The following CPNE4 variants were observed in gnomAD, a reference collection of about 807,000 sequenced individuals.
CPNE4 encodes the protein copine 4.
CPNE4 carries 25 observed loss-of-function variants against 67.9 expected under a neutral mutation model. The observed-to-expected ratio is 0.37, with a 90% CI of 0.27 to 0.51. The LOEUF is 0.51. Among genes scored for constraint, CPNE4 ranks in the 20% least tolerant of loss-of-function variants. The pLI is 0.93. For synonymous variants in CPNE4, 242 were observed against 244.9 expected, an observed-to-expected ratio of 0.99 and a Z score of 0.11; for missense variants, 464 against 690.8, an observed-to-expected ratio of 0.67 and a Z score of 3.68.
chr3:131,535,857 C>T (rs148488128), intron 15 of CPNE4, among the ~76,000 whole-genome samples: 1,858 of 152,292 alleles, frequency 0.012, 27 homozygotes, highest in Non-Finnish European at 0.014. Context: ...TTTAACTTGA[C>T]GCTCTAGTGA....
At chr3:131,552,876 C>A (rs1253024524) in intron 12 of CPNE4, among the ~76,000 whole-genome samples, 1 of 151,894 alleles carries the variant, frequency 6.6e-6, no homozygotes, top group East Asian at 1.9e-4. Context: ...AAAATAAAAA[C>A]AAAAAAACTC....
At chr3:131,550,118 C>T in intron 13 of CPNE4, 38 bp from the exon 14 acceptor site, 1 of 1,608,350 alleles carries the variant, frequency 6.2e-7, no homozygotes, top group Non-Finnish European at 8.5e-7. Context: ...GCTCCAGAGT[C>T]ACTCCAAATA....
At chr3:132,010,917 G>A (rs2073744987) in intron 1 of CPNE4, among the ~76,000 whole-genome samples, 2 of 152,086 alleles carry the variant, frequency 1.3e-5, no homozygotes, top group African/African-American at 4.8e-5. Context: ...TAGCTTCAAA[G>A]GCACCCCAGT....
At chr3:132,033,146 GGC>G (rs2074272262) in intron 1 of CPNE4, among the ~76,000 whole-genome samples, 1 of 152,234 alleles carries the variant, frequency 6.6e-6, no homozygotes, top group African/African-American at 2.4e-5. Context: ...TGCGCGCGGG[GGC>G]GCGCGAATGA....
At chr3:131,778,913 T>C (rs1177019250) in intron 2 of CPNE4, among the ~76,000 whole-genome samples, 1 of 152,056 alleles carries the variant, frequency 6.6e-6, no homozygotes, top group Non-Finnish European at 1.5e-5. Flanking sequence ...TCCCATACTA[T>C]ATGATACTAT....
intron 2 of CPNE4, among the ~76,000 whole-genome samples, chr3:131,787,280 G>A (rs1435122790): frequency 6.6e-6 from 1 of 152,138 alleles, no homozygotes; most frequent in East Asian, 1.9e-4. Context: ...AGATTTAGGG[G>A]GTTAGATATT....
intron 1 of CPNE4, among the ~76,000 whole-genome samples, chr3:132,012,173 G>A (rs200715217): frequency 7.3e-6 from 1 of 136,158 alleles, no homozygotes; most frequent in African/African-American, 2.8e-5. Context: ...TTGCTTTTTC[G>A]TTTTTTTTTT....
chr3:131,580,388 CTATACATATACA>C (rs56222832), intron 9 of CPNE4, among the ~76,000 whole-genome samples: 24,408 of 131,916 alleles, frequency 0.19, 2,505 homozygotes, highest in Non-Finnish European at 0.2. Context: ...ACATTGGCCT[CTATACATATACA>C]TATACATATA....
At chr3:132,033,784 A>T (rs1055108465) in intron 1 of CPNE4, among the ~76,000 whole-genome samples, 1 of 152,176 alleles carries the variant, frequency 6.6e-6, no homozygotes, top group Admixed American at 6.5e-5. Context: ...CACTCGCTTG[A>T]CTTGGCGTGG....
intron 3 of CPNE4, among the ~76,000 whole-genome samples, chr3:131,717,403 G>A (rs929583738): frequency 6.6e-6 from 1 of 152,006 alleles, no homozygotes; most frequent in Admixed American, 6.6e-5. Flanking sequence ...CAGCCTCCTC[G>A]AAGAATCTCA....
chr3:131,981,246 T>C (rs2072901148), intron 1 of CPNE4, among the ~76,000 whole-genome samples: 1 of 151,366 alleles, frequency 6.6e-6, no homozygotes, highest in Non-Finnish European at 1.5e-5. Context: ...GGTGGGGCCC[T>C]AGAACTCCCA....
At chr3:131,594,020 C>G (rs1182329570) in intron 7 of CPNE4, among the ~76,000 whole-genome samples, 1 of 152,060 alleles carries the variant, frequency 6.6e-6, no homozygotes, top group Non-Finnish European at 1.5e-5. Flanking sequence ...GCCTGCCCGG[C>G]CTTCCAGGAC....
intron 3 of CPNE4, among the ~76,000 whole-genome samples, chr3:131,717,907 TTTCTTTCTTTC>T (rs1560173298): frequency 1.0e-4 from 14 of 134,456 alleles, no homozygotes; most frequent in African/African-American, 3.5e-4. Context: ...TCTTTCTTTC[TTTCTTTCTTTC>T]TTTCTTTCTT....
At chr3:131,996,760 T>C (rs2073305845) in intron 1 of CPNE4, among the ~76,000 whole-genome samples, 1 of 152,218 alleles carries the variant, frequency 6.6e-6, no homozygotes, top group South Asian at 2.1e-4. Flanking sequence ...CGGCGTGTTC[T>C]GATTTCTGAG....
At chr3:131,837,164 G>A (rs2085590605) in intron 2 of CPNE4, among the ~76,000 whole-genome samples, 1 of 152,116 alleles carries the variant, frequency 6.6e-6, no homozygotes, top group African/African-American at 2.4e-5. Context: ...GGGAAGCAGT[G>A]TGATAGTTTC....
At chr3:131,845,837 G>A (rs2085976634) in intron 2 of CPNE4, among the ~76,000 whole-genome samples, 1 of 152,128 alleles carries the variant, frequency 6.6e-6, no homozygotes, top group African/African-American at 2.4e-5. Context: ...GGCAGAGATT[G>A]GACACTAGAG....
chr3:131,876,653 A>AAAAAAAAAAAAAAAG (rs762079430), intron 2 of CPNE4, among the ~76,000 whole-genome samples: 4 of 140,678 alleles, frequency 2.8e-5, no homozygotes, highest in Non-Finnish European at 6.1e-5. Flanking sequence ...AAAAAAAAAA[A>AAAAAAAAAAAAAAAG]AAAGAAAGAA....
At chr3:131,735,066 A>G (rs1196534203) in intron 2 of CPNE4, among the ~76,000 whole-genome samples, 1 of 152,202 alleles carries the variant, frequency 6.6e-6, no homozygotes, top group Non-Finnish European at 1.5e-5. Context: ...CCAGCACTTC[A>G]GCATCAGGGT....
chr3:131,535,237 A>T lies in CPNE4; in HGVS notation c.1632T>A (p.Cys544Ter). 1 of 1,613,798 alleles carries T rather than the reference A, an allele frequency of 6.2e-7. No individual in the cohort carries two copies. The highest frequency in any genetic ancestry group is 8.5e-7 in the Non-Finnish European group (1 of 1,179,980). ...YYNGKGIKPK[C>*]SSEMYESSRT... ...TGGAAGATTCATACATTTCTGATGAACATTTTGGTTTAATTCCTTTGCCAT... is the reference window on the plus strand; with the variant it reads ...TGGAAGATTCATACATTTCTGATGATCATTTTGGTTTAATTCCTTTGCCAT... The change falls in exon 16 of 16, where the codon TGT becomes TGA. Residue 544 changes from cysteine to a stop codon, truncating the protein, a stop_gained. Coordinates refer to ENST00000429747, the MANE Select transcript of CPNE4 (RefSeq NM_130808.3). LOFTEE classifies it high-confidence loss of function.
Sources: gnomAD v4.1 joint callset for allele counts (sites outside exome capture counted in the v4.1 genomes callset) on GRCh38, gnomAD v4.1.1 for gene constraint, MANE v1.5 for transcripts, NCBI Gene and HGNC (gene_info 2026-07-23, HGNC 2026-07-21) for gene names.